SEZ6L: variants seen among roughly 807,000 people sequenced by gnomAD.
SEZ6L encodes the protein seizure 6-like protein.
SEZ6L carries 37 observed loss-of-function variants against 106.2 expected under a neutral mutation model. That is an observed-to-expected ratio of 0.35 (90% CI 0.27 to 0.46). The LOEUF is 0.46. SEZ6L is among the 20% of genes least tolerant of loss of function. The pLI is 1.00. For missense variants in SEZ6L, 1,172 were observed against 1,332.8 expected, an observed-to-expected ratio of 0.88 and a Z score of 1.88; for synonymous variants, 541 against 570.4, an observed-to-expected ratio of 0.95 and a Z score of 0.73.
At chr22:26,366,825 T>A (rs937896345) in intron 13 of SEZ6L, among the ~76,000 whole-genome samples, 3 of 152,180 alleles carry the variant, frequency 2.0e-5, no homozygotes, top group Non-Finnish European at 4.4e-5. Context: ...TTACTAAATT[T>A]TTTTGTAGAG....
chr22:26,216,999 C>A lies in SEZ6L; in HGVS notation c.94+47236C>A, dbSNP rs184606216. Among the ~76,000 whole-genome samples the A allele has an allele frequency of 4.6e-5, 7 of 152,286 alleles. 1 individual carries two copies. The East Asian group carries it at 1.3e-3, about 29-fold the overall frequency. On this transcript the variant is annotated intron_variant, in intron 1 of 16. Coordinates refer to ENST00000248933, the MANE Select transcript of SEZ6L (RefSeq NM_021115.5). ...CTCTTAACCACTGGGCTCTCCTGCA[C>A]CCCTGAGGATTAAATGGGAATAACT... is the stretch of plus-strand genomic sequence containing the variant.
At chr22:26,301,734 G>C (rs552776409) in intron 5 of SEZ6L, among the ~76,000 whole-genome samples, 6 of 152,210 alleles carry the variant, frequency 3.9e-5, no homozygotes, top group East Asian at 3.9e-4. Flanking sequence ...TGGAAAATGG[G>C]GGGGAGAAGG....
chr22:26,347,834 C>G lies in SEZ6L; in HGVS notation c.2328C>G (p.Gly776=). 6.2e-7 allele frequency: 1 copy of G among 1,605,444 alleles called. No individual in the cohort carries two copies. The highest frequency in any genetic ancestry group is 1.3e-5 in the African/African-American group (1 of 74,414). The part of the protein sequence containing the change: ...GARITYQCDP[G]YDIVGSDTLT... ...GAATCACCTACCAGTGTGACCCCGG[C>G]TATGACATCGTGGGGAGTGACACCC... The change falls in exon 11 of 17, where the codon GGC becomes GGG. Residue 776 remains glycine, a synonymous_variant. Coordinates refer to ENST00000248933, the MANE Select transcript of SEZ6L (RefSeq NM_021115.5).
chr22:26,305,909 T>C, intron 5 of SEZ6L, 70 bp from the exon 6 acceptor site: 2 of 1,427,158 alleles, frequency 1.4e-6, no homozygotes, highest in Admixed American at 3.5e-5. Context: ...TCTCTCTTTC[T>C]CTCTGTCTCT....
chr22:26,185,513 G>C (rs1227256965), intron 1 of SEZ6L, among the ~76,000 whole-genome samples: 2 of 152,128 alleles, frequency 1.3e-5, no homozygotes, highest in Non-Finnish European at 2.9e-5. Context: ...AGCTTTTAAA[G>C]ACCCAGAAAC....
At chr22:26,274,042 T>C (rs2080458998) in intron 1 of SEZ6L, among the ~76,000 whole-genome samples, 1 of 152,070 alleles carries the variant, frequency 6.6e-6, no homozygotes, top group Admixed American at 6.6e-5. Flanking sequence ...GGATCACCCA[T>C]CCATAGAACA....
At chr22:26,245,855 T>C (rs2079321778) in intron 1 of SEZ6L, among the ~76,000 whole-genome samples, 1 of 152,240 alleles carries the variant, frequency 6.6e-6, no homozygotes, top group Admixed American at 6.5e-5. Flanking sequence ...GTCACCATTA[T>C]TATTAGTATT....
intron 1 of SEZ6L, among the ~76,000 whole-genome samples, chr22:26,181,881 C>A (rs1017944539): frequency 6.6e-6 from 1 of 152,158 alleles, no homozygotes. Flanking sequence ...TCATTGTGTA[C>A]CCACATGAAG....
At chr22:26,327,533 A>C in intron 9 of SEZ6L, among the ~76,000 whole-genome samples, 1 of 110,968 alleles carries the variant, frequency 9.0e-6, no homozygotes, top group East Asian at 2.8e-4. Flanking sequence ...CCACGACACT[A>C]CACACACACA....
intron 1 of SEZ6L, among the ~76,000 whole-genome samples, chr22:26,279,693 T>A (rs137192): frequency 0.55 from 83,825 of 152,052 alleles, 25,156 homozygotes; most frequent in African/African-American, 0.75. Context: ...CCTGTCACCC[T>A]TGCACAGCTA....
chr22:26,229,159 G>C (rs545429843), intron 1 of SEZ6L, among the ~76,000 whole-genome samples: 3 of 152,142 alleles, frequency 2.0e-5, no homozygotes, highest in African/African-American at 4.8e-5. Flanking sequence ...ACCACACCTG[G>C]ATAATTTTTG....
chr22:26,271,122 G>A (rs1044367524), intron 1 of SEZ6L, among the ~76,000 whole-genome samples: 3 of 152,082 alleles, frequency 2.0e-5, no homozygotes, highest in African/African-American at 7.2e-5. Flanking sequence ...CCATTCATTC[G>A]GTGCTTAGCA....
chr22:26,201,568 A>G (rs1940962511), intron 1 of SEZ6L, among the ~76,000 whole-genome samples: 1 of 151,884 alleles, frequency 6.6e-6, no homozygotes, highest in African/African-American at 2.4e-5. Flanking sequence ...CTCAAAAATA[A>G]AAAATAAAAA....
chr22:26,237,372 C>T (rs2078986121), intron 1 of SEZ6L, among the ~76,000 whole-genome samples: 1 of 152,098 alleles, frequency 6.6e-6, no homozygotes, highest in Non-Finnish European at 1.5e-5. Context: ...TAGGAAACTC[C>T]CAATAAAATG....
intron 15 of SEZ6L, among the ~76,000 whole-genome samples, chr22:26,376,866 G>A (rs1411031993): frequency 6.6e-6 from 1 of 152,192 alleles, no homozygotes; most frequent in African/African-American, 2.4e-5. Context: ...TGCCCTTATG[G>A]AGCCCACAGT....
intron 1 of SEZ6L, among the ~76,000 whole-genome samples, chr22:26,241,756 C>A (rs2079142433): frequency 6.6e-6 from 1 of 152,108 alleles, no homozygotes; most frequent in East Asian, 1.9e-4. Flanking sequence ...AGCTTTTGGG[C>A]TCTCAGATTC....
intron 4 of SEZ6L, among the ~76,000 whole-genome samples, chr22:26,298,461 CCTT>C (rs71813335): frequency 7.9e-5 from 12 of 152,322 alleles, no homozygotes; most frequent in African/African-American, 2.9e-4. Context: ...GGCACTGAGT[CCTT>C]GTCTCAAGGT....
At chr22:26,177,196 A>G (rs1027803683) in intron 1 of SEZ6L, among the ~76,000 whole-genome samples, 3 of 152,150 alleles carry the variant, frequency 2.0e-5, no homozygotes, top group Admixed American at 6.5e-5. Context: ...TTGATTTTTT[A>G]TCTGAAAAAT....
rs146327186 is a variant in SEZ6L, at chr22:26,313,376, G to A, written c.1877-388G>A. ...CTGTTAGCAGCAGAGGCAAGATTGGGACCCCGGGACCACCTAACTTGAGTG... is the reference window on the plus strand; with the variant it reads ...CTGTTAGCAGCAGAGGCAAGATTGGAACCCCGGGACCACCTAACTTGAGTG... On this transcript the variant is annotated intron_variant, in intron 8 of 16. Coordinates refer to ENST00000248933, the MANE Select transcript of SEZ6L (RefSeq NM_021115.5). Among the ~76,000 whole-genome samples the A allele has an allele frequency of 8.5e-5, 13 of 152,170 alleles. 1 individual carries two copies. In the East Asian group the frequency reaches 2.5e-3, roughly 29 times the overall value.
Sources: gnomAD v4.1 joint callset for allele counts (sites outside exome capture counted in the v4.1 genomes callset) on GRCh38, gnomAD v4.1.1 for gene constraint, MANE v1.5 for transcripts, NCBI Gene and HGNC (gene_info 2026-07-23, HGNC 2026-07-21) for gene names.